The following PARP8 variants were observed in gnomAD, a reference collection of about 807,000 sequenced individuals.
PARP8 encodes protein mono-ADP-ribosyltransferase PARP8.
PARP8 carries 51 observed loss-of-function variants against 124.1 expected under a neutral mutation model. The observed-to-expected ratio is 0.41, with a 90% CI of 0.33 to 0.52. The LOEUF (loss-of-function observed/expected upper bound fraction) is 0.52, where lower values mean the gene tolerates loss of function less well. Among genes scored for constraint, PARP8 ranks in the 20% least tolerant of loss-of-function variants. The pLI is 0.21. For missense variants in PARP8, 860 were observed against 1,018.9 expected (o/e 0.84, Z 2.12); for synonymous variants, 391 against 361.5 (o/e 1.08, Z -0.93).
chr5:50,675,804 G>A (rs1750564463), intron 2 of PARP8, among the ~76,000 whole-genome samples: 1 of 152,022 alleles, frequency 6.6e-6, no homozygotes, highest in Non-Finnish European at 1.5e-5. Flanking sequence ...AAAAAAAATT[G>A]TTAAGCACAG....
chr5:50,722,966 G>T (rs985602119), intron 2 of PARP8, among the ~76,000 whole-genome samples: 1 of 152,078 alleles, frequency 6.6e-6, no homozygotes, highest in Non-Finnish European at 1.5e-5. Flanking sequence ...AATGCAGCTT[G>T]GCAGCAGTGA....
At chr5:50,724,268 T>C (rs902967841) in intron 2 of PARP8, among the ~76,000 whole-genome samples, 1 of 152,170 alleles carries the variant, frequency 6.6e-6, no homozygotes, top group African/African-American at 2.4e-5. Context: ...ATATTATATA[T>C]GTGAAAATTG....
At position 50,846,094 on chromosome 5, in the gene PARP8, G is replaced by A. The variant is rs1218139723; in HGVS notation, c.*4026G>A. 1 of 151,718 alleles carries A rather than the reference G, an allele frequency of 6.6e-6. No individual in the cohort carries two copies. The highest frequency in any genetic ancestry group is 1.5e-5 in the Non-Finnish European group (1 of 67,796). The allele number at this position is 151,718 out of a possible 1,614,324, so 9.4% of individuals were successfully genotyped here. ...TTTACCAGCAAGTCAGTAAAAAATA[G>A]TGCTTATTTACATAGTCAATATAAT... is the stretch of plus-strand genomic sequence containing the variant. On this transcript the variant is annotated 3_prime_UTR_variant, in exon 26 of 26. Coordinates refer to ENST00000281631, the MANE Select transcript of PARP8 (RefSeq NM_024615.4).
chr5:50,697,586 T>G (rs920400477), intron 2 of PARP8, among the ~76,000 whole-genome samples: 2 of 152,220 alleles, frequency 1.3e-5, no homozygotes, highest in Non-Finnish European at 2.9e-5. Flanking sequence ...CATGGCTCAC[T>G]GCAGACTTGA....
At chr5:50,741,183 AG>A (rs1245127993) in intron 2 of PARP8, among the ~76,000 whole-genome samples, 4 of 152,218 alleles carry the variant, frequency 2.6e-5, no homozygotes, top group African/African-American at 9.6e-5. Flanking sequence ...TGTTCAGTAA[AG>A]AAAAGCTCAG....
At chr5:50,794,661 T>A (rs182997093) in intron 11 of PARP8, among the ~76,000 whole-genome samples, 192 bp from the exon 12 acceptor site, 1 of 152,320 alleles carries the variant, frequency 6.6e-6, no homozygotes, top group East Asian at 1.9e-4. Flanking sequence ...TTTTTGCTTT[T>A]CAGGAAAAAT....
chr5:50,822,570 A>G (rs745443941), intron 17 of PARP8, among the ~76,000 whole-genome samples, 170 bp downstream of exon 17: 5 of 152,192 alleles, frequency 3.3e-5, no homozygotes, highest in Non-Finnish European at 7.3e-5. Flanking sequence ...CTGTGACTTC[A>G]GGAAAGTAAG....
intron 2 of PARP8, among the ~76,000 whole-genome samples, chr5:50,689,030 T>TG (rs1752191925): frequency 8.3e-6 from 1 of 120,372 alleles, no homozygotes; most frequent in Admixed American, 1.2e-4. Flanking sequence ...TTTTTTTTTT[T>TG]GATTTTTTTT....
At chr5:50,724,900 T>C (rs1218558251) in intron 2 of PARP8, among the ~76,000 whole-genome samples, 3 of 150,376 alleles carry the variant, frequency 2.0e-5, no homozygotes, top group African/African-American at 5.0e-5. Context: ...TCACTCTGTT[T>C]GCCTTTGCGT....
intron 3 of PARP8, among the ~76,000 whole-genome samples, chr5:50,754,482 C>G (rs1209973312): frequency 1.3e-5 from 2 of 151,832 alleles, no homozygotes. Context: ...TGGTTTCCAG[C>G]TTCATCCATG....
rs181145380 is a variant in PARP8, at chr5:50,802,763, G to A, written c.1575+5530G>A. 9.9e-5 allele frequency among the ~76,000 whole-genome samples: 15 copies of A among 152,004 alleles called. 1 individual carries two copies. In the East Asian group the frequency reaches 2.1e-3, roughly 22 times the overall value. On this transcript the variant is annotated intron_variant, in intron 14 of 25. Coordinates refer to ENST00000281631, the MANE Select transcript of PARP8 (RefSeq NM_024615.4). ...CATAAATTTATGATTATTGCTTTACGCAGTTGTTTTCCAAACCAGAAAAAA... is the reference window on the plus strand; with the variant it reads ...CATAAATTTATGATTATTGCTTTACACAGTTGTTTTCCAAACCAGAAAAAA...
At chr5:50,735,357 A>G (rs1330093904) in intron 2 of PARP8, among the ~76,000 whole-genome samples, 1 of 152,168 alleles carries the variant, frequency 6.6e-6, no homozygotes, top group Admixed American at 6.5e-5. Context: ...GTATACATGG[A>G]CAATGTGACT....
chr5:50,814,724 G>A (rs1318949454), intron 14 of PARP8, among the ~76,000 whole-genome samples: 1 of 152,136 alleles, frequency 6.6e-6, no homozygotes, highest in Non-Finnish European at 1.5e-5. Context: ...TTTGTCTGCT[G>A]TGCAGAGGCA....
intron 5 of PARP8, 72 bp from the exon 6 acceptor site, chr5:50,761,749 A>T: frequency 1.0e-6 from 1 of 982,578 alleles, no homozygotes; most frequent in Non-Finnish European, 1.5e-6. Context: ...CTTGCCTATT[A>T]TAGTCACTTG....
rs76374915 is a variant in PARP8, at chr5:50,761,437, G to A, written c.346-384G>A. On this transcript the variant is annotated intron_variant, in intron 5 of 25. Coordinates refer to ENST00000281631, the MANE Select transcript of PARP8 (RefSeq NM_024615.4). ...TTCATACCATTGTTTAGAGTTGGCA[G>A]GGGAAGTGAGAACAGCCTGGGACAA... Among the ~76,000 whole-genome samples the A allele has an allele frequency of 5.5e-3, 840 of 151,942 alleles. 7 individuals carry two copies. The highest frequency in any genetic ancestry group is 0.019 in the African/African-American group (786 of 41,410).
intron 2 of PARP8, among the ~76,000 whole-genome samples, chr5:50,703,299 CAAA>C (rs34772044): frequency 9.4e-5 from 11 of 117,506 alleles, no homozygotes; most frequent in Admixed American, 1.7e-4. Flanking sequence ...GACCGTGTCT[CAAA>C]AAAAAAAAAA....
intron 10 of PARP8, among the ~76,000 whole-genome samples, chr5:50,792,615 T>C (rs1742087947): frequency 6.6e-6 from 1 of 152,110 alleles, no homozygotes; most frequent in African/African-American, 2.4e-5. Context: ...CAGTGGAAAT[T>C]TCAAATTAGG....
rs531223874 is a variant in PARP8, at chr5:50,702,341, G to A, written c.146+34216G>A. 1.6e-4 allele frequency among the ~76,000 whole-genome samples: 24 copies of A among 152,172 alleles called. No individual in the cohort carries two copies. In the East Asian group the frequency reaches 4.4e-3, roughly 28 times the overall value. On this transcript the variant is annotated intron_variant, in intron 2 of 25. Coordinates refer to ENST00000281631, the MANE Select transcript of PARP8 (RefSeq NM_024615.4). ...CTGTGATCCCTGATAAAGCATAACA[G>A]TAGAAAAATCCTTTGATGGGATAAA...
intron 2 of PARP8, among the ~76,000 whole-genome samples, chr5:50,703,721 G>A (rs186438226): frequency 1.3e-5 from 2 of 152,008 alleles, no homozygotes; most frequent in Non-Finnish European, 2.9e-5. Context: ...TTCCAACCTG[G>A]GCAATGCAGG....
Sources: gnomAD v4.1 joint callset for allele counts (sites outside exome capture counted in the v4.1 genomes callset) on GRCh38, gnomAD v4.1.1 for gene constraint, MANE v1.5 for transcripts, NCBI Gene and HGNC (gene_info 2026-07-23, HGNC 2026-07-21) for gene names.